Variants in PLA2R1 observed in about 807,000 individuals in gnomAD.
The protein encoded by PLA2R1 is secretory phospholipase A2 receptor.
PLA2R1 carries 158 observed loss-of-function variants against 195.9 expected under a neutral mutation model. The observed-to-expected ratio is 0.81, with a 90% CI of 0.71 to 0.92. PLA2R1 has a LOEUF of 0.92. PLA2R1 is among the 40% of genes least tolerant of loss of function. PLA2R1 has a pLI of 0.00. For missense variants in PLA2R1, 1,626 were observed against 1,764.6 expected (o/e 0.92, Z 1.41); for synonymous variants, 586 against 598.2 (o/e 0.98, Z 0.30).
intron 10 of PLA2R1, among the ~76,000 whole-genome samples, chr2:160,008,298 CCT>C (rs1692136064): frequency 6.6e-6 from 1 of 152,098 alleles, no homozygotes; most frequent in Non-Finnish European, 1.5e-5. Context: ...AGAGTGAGAC[CCT>C]GTCTCAAAAA....
chr2:160,022,035 A>G (rs1339196841), intron 7 of PLA2R1, among the ~76,000 whole-genome samples: 6 of 152,222 alleles, frequency 3.9e-5, no homozygotes, highest in Admixed American at 3.9e-4. Flanking sequence ...AAATGTAACA[A>G]TTGAAAAGGT....
intron 1 of PLA2R1, among the ~76,000 whole-genome samples, chr2:160,059,365 T>C (rs1695796500): frequency 6.6e-6 from 1 of 152,124 alleles, no homozygotes; most frequent in Non-Finnish European, 1.5e-5. Context: ...TAGTAAGTAA[T>C]TGTTATGGGG....
At position 160,041,742 on chromosome 2, in the gene PLA2R1, C is replaced by T. The variant is rs185182909; in HGVS notation, c.667+283G>A. The stretch of plus-strand genomic sequence containing the variant: ...GCCAAGAAGCTGGGATCAATGAGAT[C>T]GCAGAGTATTTATAATTTGATTCTG... On this transcript the variant is annotated intron_variant, in intron 3 of 29. Transcript: ENST00000283243. 1.5e-3 allele frequency among the ~76,000 whole-genome samples: 233 copies of T among 152,264 alleles called. 2 individuals carry two copies. The Middle Eastern group carries it at 0.054, about 36-fold the overall frequency.
chr2:160,023,501 G>C (rs1693282843), intron 6 of PLA2R1, among the ~76,000 whole-genome samples: 1 of 152,172 alleles, frequency 6.6e-6, no homozygotes, highest in Non-Finnish European at 1.5e-5. Context: ...CTAAAAGGGG[G>C]AGGAACCCTC....
chr2:160,037,071 T>C (rs1161050073), intron 3 of PLA2R1, among the ~76,000 whole-genome samples: 6 of 152,184 alleles, frequency 3.9e-5, no homozygotes, highest in Non-Finnish European at 4.4e-5. Flanking sequence ...GTTCAGTTTA[T>C]CTACAAGTTA....
chr2:159,968,402 T>C (rs1006973895), intron 19 of PLA2R1, among the ~76,000 whole-genome samples: 1 of 152,282 alleles, frequency 6.6e-6, no homozygotes, highest in Middle Eastern at 3.4e-3. Context: ...TGTTGGCATT[T>C]TGAAGGAAGG....
chr2:160,053,336 A>G (rs565477236), intron 1 of PLA2R1, among the ~76,000 whole-genome samples: 2 of 93,742 alleles, frequency 2.1e-5, no homozygotes, highest in African/African-American at 8.1e-5. Flanking sequence ...TCTCATTTTT[A>G]TACGAATTTG....
intron 10 of PLA2R1, among the ~76,000 whole-genome samples, chr2:160,007,117 C>T (rs1386702894): frequency 6.6e-6 from 1 of 151,996 alleles, no homozygotes; most frequent in Admixed American, 6.5e-5. Flanking sequence ...TTTTTTAATC[C>T]AGATCATACT....
chr2:160,043,381 A>T (rs1694669020), intron 2 of PLA2R1, among the ~76,000 whole-genome samples: 1 of 151,790 alleles, frequency 6.6e-6, no homozygotes, highest in African/African-American at 2.4e-5. Flanking sequence ...TTCTCAGGGT[A>T]TTGCAATACT....
intron 3 of PLA2R1, among the ~76,000 whole-genome samples, chr2:160,034,080 T>G (rs1291099938): frequency 1.3e-5 from 2 of 152,216 alleles, no homozygotes; most frequent in African/African-American, 4.8e-5. Context: ...CAATGAACAT[T>G]AGCATATTCA....
intron 14 of PLA2R1, 76 bp from the exon 15 acceptor site, chr2:159,977,492 T>C: frequency 7.5e-7 from 1 of 1,333,648 alleles, no homozygotes; most frequent in South Asian, 1.2e-5. Flanking sequence ...AGGGCATCCC[T>C]GTACATAAGC....
At position 160,062,320 on chromosome 2, in the gene PLA2R1, G is replaced by A. The variant is rs779732509; in HGVS notation, c.84C>T (p.Thr28=). ...CCTGCCACTCCAGGAGCCGCTCGGG[G>A]GTAAGCGCCGCCGCCACACCCTCGG... ...GCAEGVAAAL[T]PERLLEWQDK... Residue 28 remains threonine (T), a synonymous_variant, in exon 1 of 30, where the codon ACC becomes ACT. Transcript: ENST00000283243. 2.0e-6 allele frequency: 3 copies of A among 1,524,372 alleles called. No homozygotes were observed. The South Asian group carries it at 3.7e-5, about 19-fold the overall frequency. The allele number at this position is 1,524,372 out of a possible 1,614,324, so 94.4% of individuals were successfully genotyped here.
Position 160,042,196 on chromosome 2 carries a change from A to G in PLA2R1, c.496T>C (p.Leu166=), listed in dbSNP as rs1694565189. The change falls in exon 3 of 30, where the codon TTG becomes CTG. Residue 166 remains leucine, a splice_region_variant and synonymous_variant. Transcript: ENST00000283243. ...TGGGTGTTCCCTTTGATTGTATGCAAATCTAGGAGAAAGAAATGTACAAAG... is the reference window on the plus strand; with the variant it reads ...TGGGTGTTCCCTTTGATTGTATGCAGATCTAGGAGAAAGAAATGTACAAAG... ...GDICEYLHKD[L]HTIKGNTHGM... is the part of the protein sequence containing the mutation. The G allele has an allele frequency of 6.2e-7, 1 of 1,611,444 alleles. No homozygotes were observed. Among genetic ancestry groups the G allele is most frequent in the Admixed American group, 1.7e-5 (1 of 59,908 alleles).
At chr2:159,970,085 C>G in intron 18 of PLA2R1, 63 bp downstream of exon 18, 1 of 1,058,702 alleles carries the variant, frequency 9.4e-7, no homozygotes, top group East Asian at 2.4e-5. Flanking sequence ...AAAATTGAAT[C>G]TAATCATTCT....
intron 4 of PLA2R1, among the ~76,000 whole-genome samples, chr2:160,029,765 CG>C (rs1383805726): frequency 6.6e-6 from 1 of 151,930 alleles, no homozygotes; most frequent in Non-Finnish European, 1.5e-5. Context: ...AGCAAAATTT[CG>C]GGGGGAAAAA....
At chr2:160,006,174 A>C (rs1224804057) in intron 10 of PLA2R1, among the ~76,000 whole-genome samples, 2 of 152,204 alleles carry the variant, frequency 1.3e-5, no homozygotes, top group African/African-American at 4.8e-5. Flanking sequence ...TAGGCCACAC[A>C]CCACACACAC....
Position 160,062,392 on chromosome 2 carries a change from C to G in PLA2R1, c.12G>C (p.Ser4=). 1 of 1,540,552 alleles carries G rather than the reference C, an allele frequency of 6.5e-7. No individual in the cohort carries two copies. Among genetic ancestry groups the G allele is most frequent in the Non-Finnish European group, 8.7e-7 (1 of 1,142,870 alleles). ...GCAGCAGCAGCAGCAGCAGCGACGG[C>G]GACAGCAGCATCGCTAACCACTGGG... is the stretch of plus-strand genomic sequence containing the variant. The part of the protein sequence containing the change: MLL[S]PSLLLLLLLG... Residue 4 remains serine (S), a synonymous_variant, in exon 1 of 30, where the codon TCG becomes TCC. Transcript: ENST00000283243.
chr2:159,925,738 G>C, the PLA2R1 span, among the ~76,000 whole-genome samples: 1 of 152,198 alleles, frequency 6.6e-6, no homozygotes, highest in East Asian at 1.9e-4. Context: ...GACCCTTTCT[G>C]GTGCTCCATT....
chr2:159,947,595 G>C (rs1292877356), intron 25 of PLA2R1, 36 bp from the exon 26 acceptor site: 1 of 1,600,900 alleles, frequency 6.2e-7, no homozygotes, highest in South Asian at 1.1e-5. Context: ...TCAGGGTGGT[G>C]ACTGGGTTTA....
Sources: gnomAD v4.1 joint callset for allele counts (sites outside exome capture counted in the v4.1 genomes callset) on GRCh38, gnomAD v4.1.1 for gene constraint, MANE v1.5 for transcripts, NCBI Gene and HGNC (gene_info 2026-07-23, HGNC 2026-07-21) for gene names.